The following DNAH5 variants were observed in gnomAD, a reference collection of about 807,000 sequenced individuals.
DNAH5 encodes the protein axonemal beta dynein heavy chain 5.
In DNAH5, 372 loss-of-function variants were observed where a neutral mutation model predicts 518.2. The observed-to-expected ratio is 0.72, with a 90% CI of 0.66 to 0.78. The LOEUF (loss-of-function observed/expected upper bound fraction) is 0.78. Among genes scored for constraint, DNAH5 ranks in the 30% least tolerant of loss-of-function variants. The pLI is 0.00. For missense variants in DNAH5, 5,523 were observed against 5,687.0 expected (o/e 0.97, Z 0.93); for synonymous variants, 2,039 against 2,025.9 (o/e 1.01, Z -0.17).
chr5:13,941,665 G>A (rs1373976), intron 1 of DNAH5, among the ~76,000 whole-genome samples: 133,890 of 152,220 alleles, frequency 0.88, 59,033 homozygotes, highest in Non-Finnish European at 0.91. Context: ...AGAGCTTCTC[G>A]GCGGGAGAGG....
At chr5:13,882,150 A>G (rs552860269) in intron 21 of DNAH5, among the ~76,000 whole-genome samples, 30 of 152,228 alleles carry the variant, frequency 2.0e-4, no homozygotes, top group Admixed American at 2.6e-4. Flanking sequence ...AGTAAGAAAG[A>G]AGATCAAATC....
At chr5:13,811,061 G>A (rs1760625946) in intron 44 of DNAH5, among the ~76,000 whole-genome samples, 1 of 152,120 alleles carries the variant, frequency 6.6e-6, no homozygotes, top group South Asian at 2.1e-4. Flanking sequence ...TAGAGTAGAA[G>A]GATGGTTACC....
Position 13,737,473 on chromosome 5 carries a change from T to C in DNAH5, c.11234A>G (p.His3745Arg), listed in dbSNP as rs36088710. Reference protein sequence around the residue: ...EKQELEKERTHLMEDVTANKR... With the variant: ...EKQELEKERTRLMEDVTANKR... ...GTTTGCAGTTACATCTTCCATCAGATGAGTTCTTTCTTTCTCCAATTCCTA... is the reference window on the plus strand; with the variant it reads ...GTTTGCAGTTACATCTTCCATCAGACGAGTTCTTTCTTTCTCCAATTCCTA... Residue 3745 changes from histidine to arginine, a missense_variant, in exon 66 of 79, where the codon CAT (histidine) becomes CGT (arginine). Around this residue, in one of 3 missense-constraint regions of DNAH5, gnomAD observed 5,121 missense variants for 5,223.3 expected, o/e 0.98. Transcript: ENST00000265104. 4.3e-5 allele frequency: 70 copies of C among 1,614,064 alleles called. No homozygotes were observed. The African/African-American group carries it at 9.1e-4, about 21-fold the overall frequency.
In DNAH5 at chr5:13,876,776, G is replaced by T. The variant is rs774143246; in HGVS notation, c.3304C>A (p.Gln1102Lys). The T allele has an allele frequency of 3.7e-6, 6 of 1,613,762 alleles. No individual in the cohort carries two copies. Among genetic ancestry groups the T allele is most frequent in the Non-Finnish European group, 5.1e-6 (6 of 1,179,792 alleles). The change falls in exon 22 of 79, where the codon CAA becomes AAA. Residue 1102 changes from glutamine to lysine, a missense_variant. Physicochemically the swap from Gln to Lys is moderately conservative, Grantham distance 53. Coordinates refer to ENST00000265104, the MANE Select transcript of DNAH5 (RefSeq NM_001369.3). ...IASVNLPIPV[Q>K]TKNYYKNVSE... ...ACATTCTTATAATAGTTCTTGGTTT[G>T]CACGGGAATGGGTAAATTTACAGAT...
intron 74 of DNAH5, among the ~76,000 whole-genome samples, chr5:13,715,350 A>T (rs1286236658): frequency 1.3e-5 from 2 of 152,138 alleles, no homozygotes; most frequent in African/African-American, 4.8e-5. Context: ...TCTTCTTATG[A>T]GCTACCTCAA....
At chr5:13,827,998 A>C (rs1763124647) in intron 38 of DNAH5, among the ~76,000 whole-genome samples, 3 of 152,238 alleles carry the variant, frequency 2.0e-5, no homozygotes, top group African/African-American at 7.2e-5. Flanking sequence ...AGTGTGATTC[A>C]ATTAAACCTC....
intron 12 of DNAH5, among the ~76,000 whole-genome samples, chr5:13,903,725 A>C (rs905051927): frequency 6.6e-6 from 1 of 152,122 alleles, no homozygotes; most frequent in African/African-American, 2.4e-5. Flanking sequence ...GGGCTGACGG[A>C]AAATAACACC....
At chr5:13,771,085 C>T in intron 55 of DNAH5, 105 bp from the exon 56 acceptor site, 2 of 1,033,762 alleles carry the variant, frequency 1.9e-6, no homozygotes, top group Non-Finnish European at 2.9e-6. Flanking sequence ...GAATGCAAAC[C>T]ATTTTTGTAG....
intron 44 of DNAH5, 158 bp from the exon 45 acceptor site, chr5:13,810,418 A>G: frequency 1.4e-6 from 1 of 738,242 alleles, no homozygotes; most frequent in Admixed American, 2.1e-5. Context: ...TGAAGAACTG[A>G]TCTCTGAGAA....
chr5:13,867,090 G>C (rs1769364100), intron 25 of DNAH5, among the ~76,000 whole-genome samples: 1 of 152,136 alleles, frequency 6.6e-6, no homozygotes. Flanking sequence ...AACTGCATGC[G>C]AATAGTACTT....
intron 25 of DNAH5, 44 bp from the exon 26 acceptor site, chr5:13,866,326 A>T: frequency 6.5e-7 from 1 of 1,536,982 alleles, no homozygotes; most frequent in Non-Finnish European, 9.0e-7. Flanking sequence ...AAGTGTTTGC[A>T]TATAAATTTC....
chr5:13,743,516 T>TCTGAATGCATGAAAGAGGGAGGACAGGC (rs1748898701), intron 65 of DNAH5, among the ~76,000 whole-genome samples: 1 of 151,536 alleles, frequency 6.6e-6, no homozygotes, highest in African/African-American at 2.4e-5. Context: ...AAGGAAACAA[T>TCTGAATGCATGAAAGAGGGAGGACAGGC]CAACAGAGTG....
At position 13,792,167 on chromosome 5, in the gene DNAH5, C is replaced by G; in HGVS notation, c.8275G>C (p.Val2759Leu). The G allele has an allele frequency of 6.2e-7, 1 of 1,614,018 alleles. No individual in the cohort carries two copies. The highest frequency in any genetic ancestry group is 8.5e-7 in the Non-Finnish European group (1 of 1,179,958). Residue 2759 changes from valine to leucine, a missense_variant, in exon 50 of 79, where the codon GTG (valine) becomes CTG (leucine). Coordinates refer to ENST00000265104, the MANE Select transcript of DNAH5 (RefSeq NM_001369.3). ...YCTQRGFSEE[V>L]RDSVTKLVPL... ...ACCAATTTTGTCACAGAATCTCTCACTTCTTCTGAGAAACCCCTCTGAGTA... is the reference window on the plus strand; with the variant it reads ...ACCAATTTTGTCACAGAATCTCTCAGTTCTTCTGAGAAACCCCTCTGAGTA...
At chr5:14,004,143 C>T (rs1432119684) in intron 1 of DNAH5, among the ~76,000 whole-genome samples, 1 of 152,234 alleles carries the variant, frequency 6.6e-6, no homozygotes, top group Non-Finnish European at 1.5e-5. Flanking sequence ...TCGAATATTG[C>T]TGCTTCGTGT....
rs193021461 is a variant in DNAH5, at chr5:13,828,763, A to G, written c.6444+747T>C. Among the ~76,000 whole-genome samples, 23 of 152,328 alleles carry G rather than the reference A, an allele frequency of 1.5e-4. No homozygotes were observed. The East Asian group carries it at 4.2e-3, about 28-fold the overall frequency. On this transcript the variant is annotated intron_variant, in intron 38 of 78. Coordinates refer to ENST00000265104, the MANE Select transcript of DNAH5 (RefSeq NM_001369.3). Reference sequence around the variant, plus strand: ...CCTCAGTCTTACACCCTCAACTAACAGAATTCTGCTAACAACCTGAGTGAG... The same window carrying G: ...CCTCAGTCTTACACCCTCAACTAACGGAATTCTGCTAACAACCTGAGTGAG...
At position 13,718,964 on chromosome 5, in the gene DNAH5, G is replaced by T; in HGVS notation, c.12417C>A (p.Pro4139=). 6.2e-7 allele frequency: 1 copy of T among 1,614,102 alleles called. No homozygotes were observed. Among genetic ancestry groups the T allele is most frequent in the East Asian group, 2.2e-5 (1 of 44,874 alleles). The part of the protein sequence containing the change: ...WMTTEAHKQF[P]ITLLQMSIKF... ...TAATGGACATCTGAAGGAGTGTAAT[G>T]GGAAACTGCTTATGAGCCTCGGTGG... is the stretch of plus-strand genomic sequence containing the variant. The change falls in exon 72 of 79, where the codon CCC becomes CCA. Residue 4139 remains proline, a synonymous_variant. Coordinates refer to ENST00000265104, the MANE Select transcript of DNAH5 (RefSeq NM_001369.3).
chr5:13,829,622 C>T lies in DNAH5; in HGVS notation c.6332G>A (p.Arg2111His), dbSNP rs946204829. Residue 2111 changes from arginine (R) to histidine (H), a missense_variant, in exon 38 of 79, where the codon CGT becomes CAT. Physicochemically the swap from Arg to His is conservative, Grantham distance 29 (BLOSUM62 0). Coordinates refer to ENST00000265104, the MANE Select transcript of DNAH5 (RefSeq NM_001369.3). Reference protein sequence around the residue: ...FRSVAMMVPDRQIIIRVKLAS... With the variant: ...FRSVAMMVPDHQIIIRVKLAS... ...CAACTTCACCCTTATGATAATCTGA[C>T]GGTCAGGCACCATCATGGCCACTGA... 38 of 1,614,050 alleles carry T rather than the reference C, an allele frequency of 2.4e-5. No homozygotes were observed. Among genetic ancestry groups the T allele is most frequent in the African/African-American group, 5.3e-5 (4 of 74,930 alleles).
chr5:13,910,183 A>C (rs1775819924), intron 12 of DNAH5, among the ~76,000 whole-genome samples: 1 of 152,110 alleles, frequency 6.6e-6, no homozygotes, highest in South Asian at 2.1e-4. Context: ...GCATGCCACA[A>C]TGGTTAAAAA....
chr5:13,735,694 C>G lies in DNAH5; in HGVS notation c.11570+124G>C, dbSNP rs543104462. 562 of 852,954 alleles carry G rather than the reference C, an allele frequency of 6.6e-4. 1 individual carries two copies. Among genetic ancestry groups the G allele is most frequent in the Non-Finnish European group, 8.6e-4 (429 of 500,508 alleles). The allele number at this position is 852,954 out of a possible 1,614,324, so 52.8% of individuals were successfully genotyped here. A position where few individuals can be genotyped will look rare whatever the true frequency, so the allele number is the denominator to read the frequency against. Reference sequence around the variant, plus strand: ...ATTTGTTAACACATTGGTAATTACACTGATCTGAGATTTAAAAAAGAAAAA... The same window carrying G: ...ATTTGTTAACACATTGGTAATTACAGTGATCTGAGATTTAAAAAAGAAAAA... On this transcript the variant is annotated intron_variant, in intron 67 of 78. Coordinates refer to ENST00000265104, the MANE Select transcript of DNAH5 (RefSeq NM_001369.3).
Sources: allele counts gnomAD v4.1 joint callset (sites outside exome capture counted in the v4.1 genomes callset), GRCh38; gene constraint gnomAD v4.1.1; regional missense constraint gnomAD v4.1.1; transcripts MANE v1.5; gene names NCBI Gene and HGNC (gene_info 2026-07-23, HGNC 2026-07-21).